Variants in SCHIP1 observed in about 807,000 individuals in gnomAD.
SCHIP1 encodes the protein schwannomin interacting protein 1, also known as schwannomin-interacting protein 1.
SCHIP1 carries 8 observed loss-of-function variants against 29.7 expected under a neutral mutation model. The observed-to-expected ratio is 0.27, with a 90% confidence interval of 0.16 to 0.49. SCHIP1 has a LOEUF of 0.49. SCHIP1 is among the 20% of genes least tolerant of loss of function. SCHIP1 has a pLI of 0.99. For synonymous variants in SCHIP1, 76 were observed against 94.9 expected (o/e 0.80, Z 1.16); for missense variants, 193 against 294.6 (o/e 0.66, Z 2.52).
chr3:159,838,649 G>A (rs1743899387), upstream of SCHIP1, among the ~76,000 whole-genome samples: 1 of 152,110 alleles, frequency 6.6e-6, no homozygotes, highest in South Asian at 2.1e-4. Context: ...CCAGCACTTT[G>A]GGAGGCCGAG....
At chr3:159,434,689 A>T in the SCHIP1 span, among the ~76,000 whole-genome samples, 1 of 152,176 alleles carries the variant, frequency 6.6e-6, no homozygotes, top group South Asian at 2.1e-4. Context: ...ATCATCTAAG[A>T]TGGGATCACA....
the SCHIP1 span, among the ~76,000 whole-genome samples, chr3:159,655,532 G>C: frequency 6.6e-6 from 1 of 152,156 alleles, no homozygotes; most frequent in Non-Finnish European, 1.5e-5. Context: ...TCAGTGCTGG[G>C]TGATGAATCA....
chr3:159,466,302 G>C, the SCHIP1 span, among the ~76,000 whole-genome samples: 1 of 152,032 alleles, frequency 6.6e-6, no homozygotes, highest in Admixed American at 6.6e-5. Context: ...GGGTGACAGA[G>C]ACAGACCCTG....
At chr3:159,371,465 T>C in the SCHIP1 span, among the ~76,000 whole-genome samples, 6 of 152,134 alleles carry the variant, frequency 3.9e-5, no homozygotes, top group South Asian at 2.1e-4. Context: ...AATTTATCAA[T>C]TGGATGAGAC....
At chr3:159,824,126 C>G in the SCHIP1 span, among the ~76,000 whole-genome samples, 1 of 152,202 alleles carries the variant, frequency 6.6e-6, no homozygotes. Flanking sequence ...AACATCATCT[C>G]TTTCAGAAAG....
At chr3:159,844,150 A>T (rs1054596701) in intron 1 of SCHIP1, among the ~76,000 whole-genome samples, 1 of 152,172 alleles carries the variant, frequency 6.6e-6, no homozygotes, top group Non-Finnish European at 1.5e-5. Flanking sequence ...TTTGGTGAGG[A>T]TTGTTCAGCG....
At chr3:159,544,315 G>A in the SCHIP1 span, among the ~76,000 whole-genome samples, 1,460 of 152,056 alleles carry the variant, frequency 9.6e-3, 18 homozygotes, top group Admixed American at 0.023. Flanking sequence ...TATGTTACCA[G>A]TGTTAGGGTA....
chr3:159,292,104 A>G, the SCHIP1 span, among the ~76,000 whole-genome samples: 2 of 152,114 alleles, frequency 1.3e-5, no homozygotes, highest in Admixed American at 6.5e-5. Flanking sequence ...GAAAACTTCC[A>G]TGTTATTTTA....
the SCHIP1 span, among the ~76,000 whole-genome samples, chr3:159,706,656 A>G: frequency 6.6e-6 from 1 of 152,182 alleles, no homozygotes. Context: ...TAAAGAAGAA[A>G]AAACTTGGGT....
the SCHIP1 span, among the ~76,000 whole-genome samples, chr3:159,632,873 C>T: frequency 6.6e-6 from 1 of 152,176 alleles, no homozygotes; most frequent in Non-Finnish European, 1.5e-5. Context: ...AGCTTGAAAG[C>T]TCCTTAACTG....
At chr3:159,402,837 C>T in the SCHIP1 span, among the ~76,000 whole-genome samples, 42 of 151,852 alleles carry the variant, frequency 2.8e-4, no homozygotes, top group East Asian at 7.7e-4. Flanking sequence ...TGCTAAATGA[C>T]GAGTTGATGG....
At chr3:159,491,257 G>A in the SCHIP1 span, among the ~76,000 whole-genome samples, 954 of 152,322 alleles carry the variant, frequency 6.3e-3, 9 homozygotes, top group Non-Finnish European at 8.8e-3. Flanking sequence ...GACAGCGGGT[G>A]AAGGACAGTG....
Position 159,861,143 on chromosome 3 carries a change from G to A in SCHIP1, c.31-5020G>A, listed in dbSNP as rs201413843. Among the ~76,000 whole-genome samples the A allele has an allele frequency of 1.3e-5, 2 of 152,096 alleles. No homozygotes were observed. Among genetic ancestry groups the A allele is most frequent in the Non-Finnish European group, 1.5e-5 (1 of 68,030 alleles). The stretch of plus-strand genomic sequence containing the variant: ...CCCAATCTTCCACTTGTAAATTTAC[G>A]TGCAGATTAGCATGCTGAAGGCTTC... On this transcript the variant is annotated intron_variant, in intron 1 of 6. Coordinates refer to ENST00000445224, the Ensembl canonical transcript of SCHIP1. The surrounding 1 kb of genome is among the most constrained non-coding windows in gnomAD (Gnocchi z 4.1).
At chr3:159,470,330 G>A in the SCHIP1 span, among the ~76,000 whole-genome samples, 2 of 152,008 alleles carry the variant, frequency 1.3e-5, no homozygotes, top group African/African-American at 2.4e-5. Context: ...GAAGAGAGAC[G>A]TGGCATGACT....
At chr3:159,626,452 G>T in the SCHIP1 span, among the ~76,000 whole-genome samples, 1 of 151,778 alleles carries the variant, frequency 6.6e-6, no homozygotes, top group African/African-American at 2.4e-5. Context: ...TCCTGCCCAT[G>T]TTTCTTGAAG....
At chr3:159,413,775 C>T in the SCHIP1 span, among the ~76,000 whole-genome samples, 2 of 152,178 alleles carry the variant, frequency 1.3e-5, no homozygotes, top group African/African-American at 4.8e-5. Context: ...TCACTTTCTT[C>T]AGGTTGGTGT....
chr3:159,579,413 C>A, the SCHIP1 span, among the ~76,000 whole-genome samples: 174 of 152,276 alleles, frequency 1.1e-3, no homozygotes, highest in African/African-American at 3.9e-3. Flanking sequence ...ACTTTCAGAG[C>A]TGATTCTCCT....
At chr3:159,828,413 ATATACGTATATATATACGTATATATACG>A in the SCHIP1 span, among the ~76,000 whole-genome samples, 1 of 93,192 alleles carries the variant, frequency 1.1e-5, no homozygotes, top group African/African-American at 3.2e-5. Flanking sequence ...ATATACGTAT[ATATACGTATATATATACGTATATATACG>A]TATATATATA....
the SCHIP1 span, among the ~76,000 whole-genome samples, chr3:159,800,030 A>C: frequency 6.6e-6 from 1 of 152,168 alleles, no homozygotes; most frequent in East Asian, 1.9e-4. Context: ...CAGGAAGAAG[A>C]AAGTAGTGCT....
Sources: allele counts gnomAD v4.1 joint callset (sites outside exome capture counted in the v4.1 genomes callset), GRCh38; gene constraint gnomAD v4.1.1; non-coding constraint Gnocchi (gnomAD v3.1); transcripts MANE v1.5; gene names NCBI Gene and HGNC (gene_info 2026-07-23, HGNC 2026-07-21).